ACO1: variants seen among roughly 807,000 people sequenced by gnomAD.
ACO1 encodes the protein cytoplasmic aconitate hydratase.
ACO1 carries 78 observed loss-of-function variants against 105.1 expected under a neutral mutation model. The observed-to-expected ratio is 0.74, with a 90% CI of 0.62 to 0.90. The LOEUF (loss-of-function observed/expected upper bound fraction) is 0.90. Ranked by LOEUF, ACO1 falls within the 40% of genes least tolerant of loss-of-function variation. The pLI, the probability that ACO1 is intolerant of heterozygous loss-of-function variation, is 0.00. For synonymous variants in ACO1, 364 were observed against 397.4 expected (o/e 0.92, Z 1.00); for missense variants, 965 against 1,111.1 (o/e 0.87, Z 1.87).
At chr9:32,408,411 T>G in intron 3 of ACO1, 103 bp from the exon 4 acceptor site, 131 of 1,318,648 alleles carry the variant, frequency 9.9e-5, no homozygotes, top group Non-Finnish European at 1.3e-4. Context: ...GCTCCTCTGA[T>G]GAGGTAGGGC....
chr9:32,442,420 G>A (rs1194920281), intron 19 of ACO1, among the ~76,000 whole-genome samples: 1 of 151,896 alleles, frequency 6.6e-6, no homozygotes, highest in Non-Finnish European at 1.5e-5. Flanking sequence ...GACCTCTTAG[G>A]GTATTTTAAT....
At chr9:32,440,631 C>G (rs747857738) in intron 19 of ACO1, 44 bp downstream of exon 19, 1 of 1,598,514 alleles carries the variant, frequency 6.3e-7, no homozygotes, top group Non-Finnish European at 8.5e-7. Flanking sequence ...CCCCTCTGAA[C>G]TGGGAGGGTC....
intron 1 of ACO1, among the ~76,000 whole-genome samples, chr9:32,404,747 CCT>C (rs952472057): frequency 1.3e-5 from 2 of 152,246 alleles, no homozygotes; most frequent in Admixed American, 6.5e-5. Context: ...TTCTGTGCTG[CCT>C]CTCTGCTTCC....
chr9:32,446,295 T>G (rs952589903), intron 19 of ACO1, among the ~76,000 whole-genome samples: 1 of 152,216 alleles, frequency 6.6e-6, no homozygotes, highest in African/African-American at 2.4e-5. Context: ...GCATATATAT[T>G]TAGGATAGTT....
At chr9:32,406,439 A>C (rs1012979964) in intron 2 of ACO1, among the ~76,000 whole-genome samples, 5 of 152,210 alleles carry the variant, frequency 3.3e-5, no homozygotes, top group African/African-American at 1.2e-4. Context: ...TGGGCAACAT[A>C]GCAAAACCCT....
chr9:32,389,441 T>A (rs1306562982), intron 1 of ACO1, among the ~76,000 whole-genome samples: 1 of 152,182 alleles, frequency 6.6e-6, no homozygotes, highest in Admixed American at 6.5e-5. Flanking sequence ...TTTCTTAGGC[T>A]GTCTTACCAC....
chr9:32,412,925 T>C (rs1397047575), intron 4 of ACO1, among the ~76,000 whole-genome samples: 1 of 152,184 alleles, frequency 6.6e-6, no homozygotes, highest in African/African-American at 2.4e-5. Context: ...AGAGACAGAA[T>C]TGTAATATAG....
rs761239408 is a variant in ACO1 at position 32,407,904 on chromosome 9, G to A, written c.266+475G>A. 4.7e-4 allele frequency among the ~76,000 whole-genome samples: 72 copies of A among 152,152 alleles called. 2 individuals are homozygous for A. Among genetic ancestry groups the A allele is most frequent in the Non-Finnish European group, 2.9e-4 (20 of 68,012 alleles). On this transcript the variant is annotated intron_variant, in intron 3 of 20. Coordinates refer to ENST00000309951, the MANE Select transcript of ACO1 (RefSeq NM_002197.3). Reference sequence around the variant, plus strand: ...ACTGTTAAGCCTCAGTTCTCATCTTGCTATTTTTAGATATCCTTGCTCCCC... The same window carrying A: ...ACTGTTAAGCCTCAGTTCTCATCTTACTATTTTTAGATATCCTTGCTCCCC...
intron 4 of ACO1, among the ~76,000 whole-genome samples, chr9:32,415,554 C>G (rs982906885): frequency 1.3e-5 from 2 of 152,002 alleles, no homozygotes; most frequent in Non-Finnish European, 2.9e-5. Flanking sequence ...TAGATCTGGA[C>G]GTAGAGACAG....
At chr9:32,435,500 C>T (rs1822335729) in intron 17 of ACO1, among the ~76,000 whole-genome samples, 1 of 152,180 alleles carries the variant, frequency 6.6e-6, no homozygotes, top group Admixed American at 6.5e-5. Flanking sequence ...CTCTCTCAGT[C>T]CTTAAATTCT....
In ACO1 at chr9:32,449,998, C is replaced by A; in HGVS notation, c.2557C>A (p.Leu853Met). 1 of 1,613,178 alleles carries A rather than the reference C, an allele frequency of 6.2e-7. No homozygotes were observed. Among genetic ancestry groups the A allele is most frequent in the East Asian group, 2.2e-5 (1 of 44,862 alleles). The stretch of plus-strand genomic sequence containing the variant: ...ATGCTTCTGTTTCTTTGTGCCACAG[C>A]TGGATACTGGCAAGACCTTCCAGGC... ...LKPQMKVQVKLDTGKTFQAVM... is the reference protein window; with the variant it reads ...LKPQMKVQVKMDTGKTFQAVM... Residue 853 changes from leucine (L) to methionine (M), a missense_variant and splice_region_variant, in exon 21 of 21, where the codon CTG becomes ATG. Transcript: ENST00000309951.
At chr9:32,428,838 C>T (rs962602632) in intron 12 of ACO1, among the ~76,000 whole-genome samples, 4 of 146,512 alleles carry the variant, frequency 2.7e-5, no homozygotes, top group Middle Eastern at 3.2e-3. Flanking sequence ...AGCGAGACTC[C>T]GTCTCAAAAA....
intron 4 of ACO1, among the ~76,000 whole-genome samples, chr9:32,415,326 T>A (rs1009326615): frequency 1.3e-5 from 2 of 152,228 alleles, no homozygotes; most frequent in Non-Finnish European, 2.9e-5. Context: ...CAAAGGTAGA[T>A]TGAATGGCCT....
rs574632495 is a variant in ACO1, at chr9:32,413,341, G to A, written c.404+4690G>A. Among the ~76,000 whole-genome samples the A allele has an allele frequency of 1.6e-4, 25 of 152,082 alleles. No individual in the cohort carries two copies. The South Asian group carries it at 3.3e-3, about 20-fold the overall frequency. ...TCTACTAAAATACAAAAAATTAGCCGGGCATGGTGGTGCATGCCTGTAGTC... is the reference window on the plus strand; with the variant it reads ...TCTACTAAAATACAAAAAATTAGCCAGGCATGGTGGTGCATGCCTGTAGTC... On this transcript the variant is annotated intron_variant, in intron 4 of 20. Coordinates refer to ENST00000309951, the MANE Select transcript of ACO1 (RefSeq NM_002197.3).
In ACO1 at chr9:32,419,027, G is replaced by A. The variant is rs376849213; in HGVS notation, c.659-11G>A. 2.5e-5 allele frequency: 39 copies of A among 1,584,252 alleles called. No individual in the cohort carries two copies. Among genetic ancestry groups the A allele is most frequent in the Middle Eastern group, 1.7e-4 (1 of 5,970 alleles). On this transcript the variant is annotated splice_polypyrimidine_tract_variant and intron_variant, in intron 6 of 20. Coordinates refer to ENST00000309951, the MANE Select transcript of ACO1 (RefSeq NM_002197.3). ...ATGAAGGCATTCTTCCGGTCATGCC[G>A]TTCATTGCAGGTGTCGGTGGTATTG...
Position 32,427,407 on chromosome 9 carries a change from C to T in ACO1, c.1455C>T (p.Ser485=), listed in dbSNP as rs781389337. 2.2e-5 allele frequency: 35 copies of T among 1,614,030 alleles called. No individual in the cohort carries two copies. The East Asian group carries it at 5.8e-4, about 27-fold the overall frequency. The change falls in exon 12 of 21, where the codon AGC becomes AGT. Residue 485 remains serine, a synonymous_variant. Transcript: ENST00000309951. ...TGGTCACCTACTACCTACAAGAAAG[C>T]GGAGTCATGCCTTATCTGTCTCAGC... ...SGVVTYYLQE[S]GVMPYLSQLG...
chr9:32,436,386 T>A lies in ACO1; in HGVS notation c.2236T>A (p.Ser746Thr), dbSNP rs1320222155. The A allele has an allele frequency of 1.9e-6, 3 of 1,613,978 alleles. No homozygotes were observed. Among genetic ancestry groups the A allele is most frequent in the African/African-American group, 2.7e-5 (2 of 74,934 alleles). The part of the protein sequence containing the change: ...KQAPQTIHLP[S>T]GEILDVFDAA... ...GGCACCACAGACTATCCATCTGCCT[T>A]CTGGGGAAATCGTGAGTATTGTCTT... Residue 746 changes from serine (S) to threonine (T), a missense_variant, in exon 18 of 21, where the codon TCT (serine) becomes ACT (threonine). Coordinates refer to ENST00000309951, the MANE Select transcript of ACO1 (RefSeq NM_002197.3).
Position 32,389,800 on chromosome 9 carries a change from C to CTTTTTT in ACO1, c.-23+5076_-23+5081dup, listed in dbSNP as rs71916359. Among the ~76,000 whole-genome samples, 15 of 132,486 alleles carry CTTTTTT rather than the reference C, an allele frequency of 1.1e-4. 1 individual carries two copies. Among genetic ancestry groups the CTTTTTT allele is most frequent in the African/African-American group, 2.0e-4 (7 of 34,984 alleles). The allele number at this position is 132,486 out of a possible 152,430, so 86.9% of individuals were successfully genotyped here. ...ATTGGCCAATTTTGTTTCCTCTATA[C>CTTTTTT]TTTTTTTTTTTTTTTTGAGACAGCG... is the stretch of plus-strand genomic sequence containing the variant. On this transcript the variant is annotated intron_variant, in intron 1 of 20. Transcript: ENST00000309951.
At chr9:32,386,015 G>A (rs751491875) in intron 1 of ACO1, among the ~76,000 whole-genome samples, 5 of 152,184 alleles carry the variant, frequency 3.3e-5, no homozygotes, top group Non-Finnish European at 5.9e-5. Context: ...AGGTCCCCAC[G>A]TGAGGCTGTG....
Sources: allele counts gnomAD v4.1 joint callset (sites outside exome capture counted in the v4.1 genomes callset), GRCh38; gene constraint gnomAD v4.1.1; transcripts MANE v1.5; gene names NCBI Gene and HGNC (gene_info 2026-07-23, HGNC 2026-07-21).